The following CNGB1 variants were observed in gnomAD, a reference collection of about 807,000 sequenced individuals.
The protein encoded by CNGB1 is cyclic nucleotide gated channel subunit beta 1.
A neutral mutation model predicts 151.7 loss-of-function variants in CNGB1; 126 were observed. That is an observed-to-expected ratio of 0.83 (90% CI 0.72 to 0.96). CNGB1 has a LOEUF of 0.96. Ranked by LOEUF, CNGB1 falls within the 40% of genes least tolerant of loss-of-function variation. CNGB1 has a pLI of 0.00. For synonymous variants in CNGB1, 623 were observed against 635.1 expected (o/e 0.98, Z 0.29); for missense variants, 1,698 against 1,627.0 (o/e 1.04, Z -0.75).
intron 21 of CNGB1, 133 bp from the exon 22 acceptor site, chr16:57,916,312 G>T: frequency 1.1e-6 from 1 of 900,758 alleles, no homozygotes; most frequent in Non-Finnish European, 1.8e-6. Flanking sequence ...CTGAGCCTTG[G>T]TGAAAGCCTT....
intron 30 of CNGB1, 73 bp downstream of exon 30, chr16:57,897,723 C>G: frequency 6.5e-7 from 1 of 1,548,350 alleles, no homozygotes; most frequent in Non-Finnish European, 8.9e-7. Context: ...CGTAGACACT[C>G]GCACTGCCCG....
chr16:57,916,066 G>A (rs1453660846), intron 22 of CNGB1, 63 bp downstream of exon 22: 9 of 1,507,232 alleles, frequency 6.0e-6, no homozygotes, highest in Middle Eastern at 1.7e-4. Flanking sequence ...GGCACCCAGG[G>A]CCCTCTGAGG....
intron 1 of CNGB1, among the ~76,000 whole-genome samples, 174 bp downstream of exon 1, chr16:57,970,886 T>C (rs1457735137): frequency 2.0e-5 from 3 of 152,048 alleles, no homozygotes; most frequent in African/African-American, 7.2e-5. Flanking sequence ...GGAATTTGCA[T>C]TGTACAAGCT....
chr16:57,901,208 T>G (rs1458138776), intron 29 of CNGB1, 144 bp downstream of exon 29: 1 of 845,318 alleles, frequency 1.2e-6, no homozygotes, highest in Admixed American at 1.8e-5. Flanking sequence ...GTCAGGTCAC[T>G]GCAGCATGAA....
At chr16:57,953,211 C>G (rs1364684425) in intron 12 of CNGB1, among the ~76,000 whole-genome samples, 7 of 152,092 alleles carry the variant, frequency 4.6e-5, no homozygotes, top group African/African-American at 1.7e-4. Context: ...AAGTCAACAG[C>G]CTCGGTCGGA....
At chr16:57,901,228 G>A (rs111613182) in intron 29 of CNGB1, 124 bp downstream of exon 29, 18 of 956,070 alleles carry the variant, frequency 1.9e-5, no homozygotes, top group African/African-American at 1.3e-4. Context: ...AGCCGCAGAC[G>A]CTCTTCTCCC....
In CNGB1 at chr16:57,903,133, G is replaced by A. The variant is rs140996818; in HGVS notation, c.2794+689C>T. Among the ~76,000 whole-genome samples, 33 of 151,600 alleles carry A rather than the reference G, an allele frequency of 2.2e-4. No homozygotes were observed. The East Asian group carries it at 6.0e-3, about 28-fold the overall frequency. On this transcript the variant is annotated intron_variant, in intron 27 of 32. Coordinates refer to ENST00000251102, the MANE Select transcript of CNGB1 (RefSeq NM_001297.5). ...AGCGAGGAGAGAGGAGAGAGAGAGG[G>A]AAGGAGGGAGAGAGAGGAAGGGAGG...
intron 2 of CNGB1, among the ~76,000 whole-genome samples, chr16:57,965,981 G>A (rs1227039522): frequency 6.6e-6 from 1 of 151,986 alleles, no homozygotes; most frequent in African/African-American, 2.4e-5. Context: ...ACATGCATAC[G>A]CACACCCTAT....
intron 13 of CNGB1, among the ~76,000 whole-genome samples, chr16:57,949,859 A>G (rs529125046): frequency 2.0e-4 from 31 of 152,310 alleles, no homozygotes; most frequent in Admixed American, 9.8e-4. Flanking sequence ...ATGACCCAGC[A>G]ATTCCCCTCT....
intron 16 of CNGB1, among the ~76,000 whole-genome samples, chr16:57,937,791 C>T (rs1961552603): frequency 6.6e-6 from 1 of 152,202 alleles, no homozygotes; most frequent in Non-Finnish European, 1.5e-5. Context: ...CCCTGGTTCC[C>T]CAACTGGGCT....
chr16:57,904,661 T>C, intron 26 of CNGB1, 73 bp downstream of exon 26: 2 of 1,602,106 alleles, frequency 1.2e-6, no homozygotes, highest in Non-Finnish European at 8.5e-7. Context: ...GCACAGAGGG[T>C]GACATTTCTG....
chr16:57,943,425 A>G (rs1961721809), intron 14 of CNGB1, among the ~76,000 whole-genome samples: 1 of 152,190 alleles, frequency 6.6e-6, no homozygotes, highest in African/African-American at 2.4e-5. Context: ...TAATCCAAGC[A>G]CTTTGGGAAG....
chr16:57,911,906 C>A (rs781467261), intron 24 of CNGB1, 31 bp from the exon 25 acceptor site: 1 of 1,610,636 alleles, frequency 6.2e-7, no homozygotes, highest in Admixed American at 1.7e-5. Flanking sequence ...ATGAACACAG[C>A]GGCGGAAGGG....
At position 57,884,210 on chromosome 16, in the gene CNGB1, A is replaced by G. The variant is rs1203042589; in HGVS notation, c.3710T>C (p.Ile1237Thr). 8.7e-6 allele frequency: 14 copies of G among 1,613,932 alleles called. No individual in the cohort carries two copies. The East Asian group carries it at 3.1e-4, about 36-fold the overall frequency. The change falls in exon 33 of 33, where the codon ATC becomes ACC. Residue 1237 changes from isoleucine to threonine, a missense_variant. Ile to Thr is a moderately conservative substitution (Grantham distance 89, BLOSUM62 -1). Coordinates refer to ENST00000251102, the MANE Select transcript of CNGB1 (RefSeq NM_001297.5). ...MSPGPEPGEQ[I>T]LSVKMPEERE... ...TTCCTCCGGCATCTTCACCGACAGGATCTGCTCTCCCGGCTCCGGGCCCGG... is the reference window on the plus strand; with the variant it reads ...TTCCTCCGGCATCTTCACCGACAGGGTCTGCTCTCCCGGCTCCGGGCCCGG...
At chr16:57,959,054 G>A (rs1597012087) in intron 10 of CNGB1, among the ~76,000 whole-genome samples, 1 of 151,280 alleles carries the variant, frequency 6.6e-6, no homozygotes, top group East Asian at 1.9e-4. Flanking sequence ...CACCCAGCCT[G>A]TATCCCATTT....
chr16:57,960,964 C>T (rs746936635), intron 7 of CNGB1, 49 bp from the exon 8 acceptor site: 43 of 1,570,448 alleles, frequency 2.7e-5, no homozygotes, highest in South Asian at 4.5e-5. Context: ...AACCGGCCAG[C>T]GCACTAACAG....
intron 25 of CNGB1, among the ~76,000 whole-genome samples, chr16:57,908,400 C>T (rs746186348): frequency 1.4e-4 from 21 of 152,242 alleles, no homozygotes; most frequent in South Asian, 2.1e-4. Flanking sequence ...AGCTGGACCA[C>T]GGGCATTTTG....
intron 29 of CNGB1, among the ~76,000 whole-genome samples, chr16:57,900,918 G>T (rs1960366596): frequency 6.6e-6 from 1 of 151,526 alleles, no homozygotes; most frequent in Middle Eastern, 3.4e-3. Flanking sequence ...CCACCAGTTT[G>T]CAACCTCTGA....
chr16:57,955,413 G>T lies in CNGB1; in HGVS notation c.874+1928C>A, dbSNP rs114382245. The T allele has an allele frequency of 2.0e-3, 3,026 of 1,490,510 alleles. 42 individuals carry two copies. In the African/African-American group the frequency reaches 0.037, roughly 18 times the overall value. 92.3% of individuals were successfully genotyped at this position (1,490,510 alleles called of 1,614,324 possible). On this transcript the variant is annotated intron_variant, in intron 12 of 32. Coordinates refer to ENST00000251102, the MANE Select transcript of CNGB1 (RefSeq NM_001297.5). ...AGGGTGGGTGGCTGGGTGGACAGGCGGAGGGAATGAGTGAGTGAGTGAGTG... is the reference window on the plus strand; with the variant it reads ...AGGGTGGGTGGCTGGGTGGACAGGCTGAGGGAATGAGTGAGTGAGTGAGTG...
Sources: gnomAD v4.1 joint callset for allele counts (sites outside exome capture counted in the v4.1 genomes callset) on GRCh38, gnomAD v4.1.1 for gene constraint, MANE v1.5 for transcripts, NCBI Gene and HGNC (gene_info 2026-07-23, HGNC 2026-07-21) for gene names.